Variants in PROSER2 observed in about 807,000 individuals in gnomAD.
PROSER2 encodes the protein proline and serine rich 2, also known as proline and serine-rich protein 2.
A neutral mutation model predicts 14.6 loss-of-function variants in PROSER2; 18 were observed. The ratio of observed to expected loss-of-function variants is 1.23; its 90% CI spans 0.85 to 1.83. The LOEUF is 1.83. Among genes scored for constraint, PROSER2 ranks in the 40% most tolerant of loss-of-function variants. PROSER2 has a pLI of 0.00. For synonymous variants in PROSER2, 367 were observed against 286.4 expected (o/e 1.28, Z -2.84); for missense variants, 823 against 629.8 (o/e 1.31, Z -3.28).
rs1834263430 is a variant in PROSER2 at position 11,862,475 on chromosome 10, T to C, written c.139-4056T>C. Among the ~76,000 whole-genome samples the C allele has an allele frequency of 6.6e-6, 1 of 152,214 alleles. No individual in the cohort carries two copies. The highest frequency in any genetic ancestry group is 1.5e-5 in the Non-Finnish European group (1 of 68,046). ...GGGAAGCTGAGGCCAGAGGACTGCC[T>C]GAGCCCAGGAGTTCAAGATCAGCCT... On this transcript the variant is annotated intron_variant, in intron 2 of 3. Transcript: ENST00000277570. This position sits in a 1 kb window ranked among gnomAD's most constrained non-coding sequence, Gnocchi z 4.2.
intron 2 of PROSER2, among the ~76,000 whole-genome samples, chr10:11,853,730 G>GT (rs1481602519): frequency 1.3e-5 from 2 of 152,064 alleles, no homozygotes; most frequent in African/African-American, 2.4e-5. Context: ...CATCTCCTTC[G>GT]TTTCTCCGTA....
At chr10:11,844,468 A>C (rs1468891237) in intron 1 of PROSER2, among the ~76,000 whole-genome samples, 1 of 152,204 alleles carries the variant, frequency 6.6e-6, no homozygotes, top group Non-Finnish European at 1.5e-5. Flanking sequence ...AAAGTTTCTT[A>C]TGCATGTAAC....
At chr10:11,854,858 G>A (rs1378954344) in intron 2 of PROSER2, among the ~76,000 whole-genome samples, 1 of 151,986 alleles carries the variant, frequency 6.6e-6, no homozygotes, top group African/African-American at 2.4e-5. Flanking sequence ...TTTTGGAAGT[G>A]TAAATTCTGA....
chr10:11,833,235 C>CTCTTT (rs1833711542), intron 1 of PROSER2, among the ~76,000 whole-genome samples: 1 of 87,668 alleles, frequency 1.1e-5, no homozygotes, highest in Non-Finnish European at 2.0e-5. Context: ...AATGTTGTGG[C>CTCTTT]TTTTTTTTTT....
At position 11,838,278 on chromosome 10, in the gene PROSER2, A is replaced by T. The variant is rs1833789041; in HGVS notation, c.-81-13719A>T. On this transcript the variant is annotated intron_variant, in intron 1 of 3. Coordinates refer to ENST00000277570, the MANE Select transcript of PROSER2 (RefSeq NM_153256.4). This position sits in a 1 kb window ranked among gnomAD's most constrained non-coding sequence, Gnocchi z 4.4. ...CGCTGGGTTTTAAATGTACATGAAT[A>T]GAATTGCACTAAGAATCTAACTCTG... 6.6e-6 allele frequency among the ~76,000 whole-genome samples: 1 copy of T among 152,204 alleles called. No homozygotes were observed. Among genetic ancestry groups the T allele is most frequent in the Admixed American group, 6.5e-5 (1 of 15,280 alleles).
At chr10:11,842,397 T>C (rs1244182580) in intron 1 of PROSER2, among the ~76,000 whole-genome samples, 1 of 152,260 alleles carries the variant, frequency 6.6e-6, no homozygotes, top group Non-Finnish European at 1.5e-5. Context: ...TAATCTTTCA[T>C]TTATCCCCTC....
rs1188680612 is a variant in PROSER2, at chr10:11,855,495, AAAG to A, written c.138+3282_138+3284del. 1.8e-3 allele frequency among the ~76,000 whole-genome samples: 266 copies of A among 151,978 alleles called. 1 individual carries two copies. The highest frequency in any genetic ancestry group is 6.2e-3 in the African/African-American group (259 of 41,500). The stretch of plus-strand genomic sequence containing the variant: ...TCTCAAAAAAAAAAAAAAAAAGAAA[AAAG>A]ACGATAAAAGATGAACGCCTGATTT... On this transcript the variant is annotated intron_variant, in intron 2 of 3. Coordinates refer to ENST00000277570, the MANE Select transcript of PROSER2 (RefSeq NM_153256.4).
rs9663653 is a variant in PROSER2, at chr10:11,826,187, G to C, written c.-82+2717G>C. Among the ~76,000 whole-genome samples, 1,097 of 152,242 alleles carry C rather than the reference G, an allele frequency of 7.2e-3. 21 individuals are homozygous for C. Among genetic ancestry groups the C allele is most frequent in the African/African-American group, 0.025 (1,038 of 41,536 alleles). ...ACAATGTTTTTCAAGGTCCGTCCGTGTCGCGGCGTGTATCGTTGCTTCCCT... is the reference window on the plus strand; with the variant it reads ...ACAATGTTTTTCAAGGTCCGTCCGTCTCGCGGCGTGTATCGTTGCTTCCCT... On this transcript the variant is annotated intron_variant, in intron 1 of 3. Transcript: ENST00000277570.
At chr10:11,826,601 G>A (rs901203724) in intron 1 of PROSER2, among the ~76,000 whole-genome samples, 5 of 151,878 alleles carry the variant, frequency 3.3e-5, no homozygotes, top group South Asian at 2.1e-4. Flanking sequence ...TTTTTGAGAC[G>A]GAGTCTCTCT....
chr10:11,839,974 C>G (rs559691055), intron 1 of PROSER2, among the ~76,000 whole-genome samples: 2 of 150,222 alleles, frequency 1.3e-5, no homozygotes, highest in South Asian at 2.1e-4. Context: ...ATTTTTGAGA[C>G]AAGGTCTAGC....
At chr10:11,834,141 C>G (rs972811701) in intron 1 of PROSER2, among the ~76,000 whole-genome samples, 2 of 151,594 alleles carry the variant, frequency 1.3e-5, no homozygotes, top group Non-Finnish European at 2.9e-5. Flanking sequence ...ATTACAGGCA[C>G]TCACCACCAC....
chr10:11,861,996 C>G (rs995454739), intron 2 of PROSER2, among the ~76,000 whole-genome samples: 2 of 152,202 alleles, frequency 1.3e-5, no homozygotes, highest in Admixed American at 6.5e-5. Context: ...ATCAGACTCC[C>G]TGGAGGCTGC....
rs184498403 is a variant in PROSER2, at chr10:11,829,698, A to G, written c.-82+6228A>G. Among the ~76,000 whole-genome samples the G allele has an allele frequency of 6.2e-5, 9 of 145,768 alleles. No homozygotes were observed. In the East Asian group the frequency reaches 1.6e-3, roughly 26 times the overall value. On this transcript the variant is annotated intron_variant, in intron 1 of 3. Coordinates refer to ENST00000277570, the MANE Select transcript of PROSER2 (RefSeq NM_153256.4). ...CTTTATATGCCACAAATTGCCCTCC[A>G]TCTACACCAGGTAACCAATGAATTT...
In PROSER2 at chr10:11,866,787, A is replaced by G; in HGVS notation, c.391+4A>G. The G allele has an allele frequency of 6.2e-7, 1 of 1,608,592 alleles. No homozygotes were observed. The highest frequency in any genetic ancestry group is 8.5e-7 in the Non-Finnish European group (1 of 1,178,930). ...CCAGAGGGGACCCAGGCAGCAGGTGAGGGGGAAGACAGGCCATCCCTGGGA... is the reference window on the plus strand; with the variant it reads ...CCAGAGGGGACCCAGGCAGCAGGTGGGGGGGAAGACAGGCCATCCCTGGGA... On this transcript the variant is annotated splice_donor_region_variant and intron_variant, in intron 3 of 3. Transcript: ENST00000277570. The surrounding 1 kb of genome is among the most constrained non-coding windows in gnomAD (Gnocchi z 6.0).
At position 11,830,175 on chromosome 10, in the gene PROSER2, C is replaced by T. The variant is rs1833672194; in HGVS notation, c.-82+6705C>T. 6.6e-6 allele frequency among the ~76,000 whole-genome samples: 1 copy of T among 152,150 alleles called. No individual in the cohort carries two copies. On this transcript the variant is annotated intron_variant, in intron 1 of 3. Coordinates refer to ENST00000277570, the MANE Select transcript of PROSER2 (RefSeq NM_153256.4). The surrounding 1 kb of genome is among the most constrained non-coding windows in gnomAD (Gnocchi z 4.5). ...CAGTTTTTCAGCCCTCCTCTCCCCA[C>T]TCCATGGACCTTCCCACCTTTTGGA...
At chr10:11,851,340 C>T (rs996802531) in intron 1 of PROSER2, 1 of 152,186 alleles carries the variant, frequency 6.6e-6, no homozygotes, top group Non-Finnish European at 1.5e-5. Flanking sequence ...TAGTTTTAAC[C>T]TGGGGTACTT....
Position 11,866,543 on chromosome 10 carries a change from C to A in PROSER2, c.151C>A (p.Leu51Met). 6.2e-7 allele frequency: 1 copy of A among 1,614,156 alleles called. No individual in the cohort carries two copies. The highest frequency in any genetic ancestry group is 8.5e-7 in the Non-Finnish European group (1 of 1,180,024). ...SRSFTLDDESLKYLTHEEKDV... is the reference protein window; with the variant it reads ...SRSFTLDDESMKYLTHEEKDV... ...CCCTGTACTCTAGGATGATGAGAGC[C>A]TGAAGTACCTCACCCATGAGGAAAA... The change falls in exon 3 of 4, where the codon CTG becomes ATG. Residue 51 changes from leucine (L) to methionine (M), a missense_variant. Coordinates refer to ENST00000277570, the MANE Select transcript of PROSER2 (RefSeq NM_153256.4). This position sits in a 1 kb window ranked among gnomAD's most constrained non-coding sequence, Gnocchi z 6.0.
chr10:11,864,517 A>T (rs1165411336), intron 2 of PROSER2, among the ~76,000 whole-genome samples: 1 of 152,064 alleles, frequency 6.6e-6, no homozygotes. Context: ...ACTGAAGTAC[A>T]TTTTAAAAAC....
In PROSER2 at chr10:11,836,080, G is replaced by A. The variant is rs1046582588; in HGVS notation, c.-82+12610G>A. On this transcript the variant is annotated intron_variant, in intron 1 of 3. Coordinates refer to ENST00000277570, the MANE Select transcript of PROSER2 (RefSeq NM_153256.4). The surrounding 1 kb of genome is among the most constrained non-coding windows in gnomAD (Gnocchi z 4.6). Reference sequence around the variant, plus strand: ...AGAGTCTCACTCTGTCGCCCAGGCTGCAGTGCAGTGGCACGATCTTGGCTC... The same window carrying A: ...AGAGTCTCACTCTGTCGCCCAGGCTACAGTGCAGTGGCACGATCTTGGCTC... Among the ~76,000 whole-genome samples, 6 of 152,148 alleles carry A rather than the reference G, an allele frequency of 3.9e-5. No individual in the cohort carries two copies. The highest frequency in any genetic ancestry group is 1.4e-4 in the African/African-American group (6 of 41,434).
Sources: allele counts gnomAD v4.1 joint callset (sites outside exome capture counted in the v4.1 genomes callset), GRCh38; gene constraint gnomAD v4.1.1; non-coding constraint Gnocchi (gnomAD v3.1); transcripts MANE v1.5; gene names NCBI Gene and HGNC (gene_info 2026-07-23, HGNC 2026-07-21).